Variants in ETV1 observed in about 807,000 individuals in gnomAD.
ETV1 encodes ETS variant transcription factor 1.
In ETV1, 27 loss-of-function variants were observed where a neutral mutation model predicts 62.3. That is an observed-to-expected ratio of 0.43 (90% CI 0.32 to 0.60). The LOEUF (loss-of-function observed/expected upper bound fraction) is 0.60. ETV1 is among the 20% of genes least tolerant of loss of function. ETV1 has a pLI of 0.06. For synonymous variants in ETV1, 222 were observed against 199.6 expected (o/e 1.11, Z -0.94); for missense variants, 605 against 605.8 (o/e 1.00, Z 0.01).
intron 9 of ETV1, among the ~76,000 whole-genome samples, chr7:13,925,651 C>T (rs1349788730): frequency 6.6e-6 from 1 of 151,630 alleles, no homozygotes; most frequent in African/African-American, 2.4e-5. Flanking sequence ...CTGCAAGCTA[C>T]ACCTCCCTGG....
intron 13 of ETV1, among the ~76,000 whole-genome samples, chr7:13,896,525 T>C (rs1168078269): frequency 6.6e-6 from 1 of 152,122 alleles, no homozygotes; most frequent in African/African-American, 2.4e-5. Context: ...TCTGAAATGG[T>C]AGAAAAACTA....
intron 6 of ETV1, among the ~76,000 whole-genome samples, chr7:13,943,195 G>T (rs751076072): frequency 6.6e-6 from 1 of 152,164 alleles, no homozygotes; most frequent in African/African-American, 2.4e-5. Context: ...CACAAAAGCA[G>T]ATATCCAGAT....
At chr7:13,958,713 T>C (rs1349929132) in intron 6 of ETV1, 5 of 152,192 alleles carry the variant, frequency 3.3e-5, no homozygotes, top group Non-Finnish European at 7.3e-5. Flanking sequence ...ACTTGGCTGC[T>C]GTGTGACACA....
At chr7:13,899,381 G>C (rs1007723659) in intron 13 of ETV1, among the ~76,000 whole-genome samples, 1 of 152,298 alleles carries the variant, frequency 6.6e-6, no homozygotes, top group East Asian at 1.9e-4. Context: ...ATCGAAGTCA[G>C]CCTTTTCTTT....
At chr7:13,986,136 C>G (rs1171540440) in intron 5 of ETV1, 1 of 1,592,958 alleles carries the variant, frequency 6.3e-7, no homozygotes, top group Admixed American at 1.8e-5. Context: ...GTGTTGTGAA[C>G]AAGGTGGAAA....
intron 7 of ETV1, among the ~76,000 whole-genome samples, chr7:13,938,766 G>A: frequency 6.6e-6 from 1 of 152,188 alleles, no homozygotes; most frequent in African/African-American, 2.4e-5. Flanking sequence ...CCTGCCAAAT[G>A]TTTCATTTTT....
At chr7:13,926,016 G>A (rs1238178005) in intron 9 of ETV1, among the ~76,000 whole-genome samples, 3 of 151,928 alleles carry the variant, frequency 2.0e-5, no homozygotes, top group Non-Finnish European at 4.4e-5. Flanking sequence ...CTCTTAATTT[G>A]CATGAGTTAT....
intron 5 of ETV1, among the ~76,000 whole-genome samples, chr7:13,983,471 C>T (rs1158296033): frequency 1.3e-5 from 2 of 151,910 alleles, no homozygotes; most frequent in Non-Finnish European, 2.9e-5. Flanking sequence ...GATATTTAAA[C>T]TCATTATTTC....
chr7:13,898,557 T>G (rs1054093078), intron 13 of ETV1, among the ~76,000 whole-genome samples: 2 of 152,204 alleles, frequency 1.3e-5, no homozygotes, highest in African/African-American at 2.4e-5. Flanking sequence ...TTCTTACTTC[T>G]TCCGTATTAC....
At chr7:13,909,300 A>T (rs145410722) in intron 11 of ETV1, among the ~76,000 whole-genome samples, 1 of 152,280 alleles carries the variant, frequency 6.6e-6, no homozygotes, top group East Asian at 1.9e-4. Flanking sequence ...TGTTAATTAC[A>T]GGATCAGCTT....
intron 7 of ETV1, among the ~76,000 whole-genome samples, chr7:13,937,088 T>C: frequency 6.6e-6 from 1 of 152,272 alleles, no homozygotes; most frequent in African/African-American, 2.4e-5. Flanking sequence ...TCAGTACACT[T>C]TTTTCTTTAG....
At chr7:13,925,542 C>T (rs1785309425) in intron 9 of ETV1, among the ~76,000 whole-genome samples, 1 of 151,748 alleles carries the variant, frequency 6.6e-6, no homozygotes, top group Non-Finnish European at 1.5e-5. Flanking sequence ...TTGGACACTT[C>T]TCTTCTTCAA....
upstream of ETV1, chr7:13,990,422 G>A (rs1782945715): frequency 1.3e-5 from 2 of 152,294 alleles, no homozygotes; most frequent in South Asian, 4.1e-4. Context: ...TGTGCACTGG[G>A]AAAAGGTACT....
chr7:13,980,679 C>T (rs17687519), intron 5 of ETV1, among the ~76,000 whole-genome samples: 24,408 of 152,050 alleles, frequency 0.16, 2,256 homozygotes, highest in Middle Eastern at 0.29. Flanking sequence ...GTTCATTGCA[C>T]GTTAATAGAC....
chr7:13,954,379 G>T (rs1789176792), intron 6 of ETV1, among the ~76,000 whole-genome samples: 1 of 152,052 alleles, frequency 6.6e-6, no homozygotes, highest in South Asian at 2.1e-4. Context: ...TAAGAGCAAT[G>T]GTACATGGCT....
intron 9 of ETV1, 95 bp from the exon 10 acceptor site, chr7:13,911,402 G>C: frequency 1.3e-6 from 1 of 791,758 alleles, no homozygotes. Flanking sequence ...TACAGAAACG[G>C]ACACAGGTTC....
Position 13,931,509 on chromosome 7 carries a change from A to G in ETV1, c.795T>C (p.Tyr265=), listed in dbSNP as rs370902310. Residue 265 remains tyrosine (Y), a synonymous_variant, in exon 9 of 14, where the codon TAT becomes TAC. Transcript: ENST00000430479. Reference sequence around the variant, plus strand: ...CGCAGAGCGCAGGCCTACCTGAGTCATATGCAAAATCTCTGGGTTCCTGTT... The same window carrying G: ...CGCAGAGCGCAGGCCTACCTGAGTCGTATGCAAAATCTCTGGGTTCCTGTT... ...MIKQEPRDFA[Y]DSEVPSCHSI... is the part of the protein sequence containing the mutation. 9.9e-6 allele frequency: 16 copies of G among 1,613,884 alleles called. No homozygotes were observed. The African/African-American group carries it at 1.6e-4, about 16-fold the overall frequency.
chr7:13,975,665 G>A (rs1053617460), intron 6 of ETV1, among the ~76,000 whole-genome samples: 2 of 147,752 alleles, frequency 1.4e-5, no homozygotes, highest in Non-Finnish European at 3.0e-5. Context: ...GAAGGAAGAT[G>A]AGTTGAGTAA....
At chr7:13,945,885 C>G (rs1303292644) in intron 6 of ETV1, among the ~76,000 whole-genome samples, 9 of 152,172 alleles carry the variant, frequency 5.9e-5, no homozygotes. Context: ...TAAATTATTC[C>G]TTATCAAATC....
Sources: allele counts gnomAD v4.1 joint callset (sites outside exome capture counted in the v4.1 genomes callset), GRCh38; gene constraint gnomAD v4.1.1; transcripts MANE v1.5; gene names NCBI Gene and HGNC (gene_info 2026-07-23, HGNC 2026-07-21).